Variants in TRMT1L observed in about 807,000 individuals in gnomAD.
TRMT1L encodes tRNA (guanine(27)-N(2))-dimethyltransferase.
In TRMT1L, 28 loss-of-function variants were observed where a neutral mutation model predicts 81.6. The ratio of observed to expected loss-of-function variants is 0.34; its 90% CI spans 0.25 to 0.47. The LOEUF (loss-of-function observed/expected upper bound fraction) is 0.47, where lower values mean the gene tolerates loss of function less well. TRMT1L is among the 20% of genes least tolerant of loss of function. TRMT1L has a pLI of 1.00. For missense variants in TRMT1L, 739 were observed against 877.1 expected (o/e 0.84, Z 1.99); for synonymous variants, 301 against 303.2 (o/e 0.99, Z 0.07).
intron 5 of TRMT1L, among the ~76,000 whole-genome samples, chr1:185,144,967 G>A (rs1214117845): frequency 6.6e-6 from 1 of 151,762 alleles, no homozygotes; most frequent in Non-Finnish European, 1.5e-5. Context: ...ACAGAGGAGA[G>A]AAGTTATTCA....
At chr1:185,139,605 T>G (rs780307894) in intron 8 of TRMT1L, 26 bp from the exon 9 acceptor site, 3 of 1,529,642 alleles carry the variant, frequency 2.0e-6, no homozygotes, top group Non-Finnish European at 2.7e-6. Flanking sequence ...ATATAGACAT[T>G]TTAAAGTCAT....
At chr1:185,130,744 G>A (rs1652749229) in intron 10 of TRMT1L, among the ~76,000 whole-genome samples, 2 of 152,152 alleles carry the variant, frequency 1.3e-5, no homozygotes, top group African/African-American at 4.8e-5. Flanking sequence ...AAACTATTGA[G>A]GATATGAAAC....
rs190177287 is a variant in TRMT1L, at chr1:185,137,792, C to A, written c.1327G>T (p.Ala443Ser). The A allele has an allele frequency of 1.3e-5, 21 of 1,611,544 alleles. No individual in the cohort carries two copies. In the Admixed American group the frequency reaches 1.3e-4, roughly 10 times the overall value. Residue 443 changes from alanine (A) to serine (S), a missense_variant, in exon 10 of 15, where the codon GCA (alanine) becomes TCA (serine). Physicochemically the swap from Ala to Ser is moderately conservative, Grantham distance 99. This residue lies in a region of TRMT1L where 331 missense variants were observed against 462.2 expected (regional missense o/e 0.72). Coordinates refer to ENST00000367506, the MANE Select transcript of TRMT1L (RefSeq NM_030934.5). ...TCTATGCCTTTGTTGCATCGGGCTGCAGCTCTACAATAAATTTTTTCAAGT... is the reference window on the plus strand; with the variant it reads ...TCTATGCCTTTGTTGCATCGGGCTGAAGCTCTACAATAAATTTTTTCAAGT... Reference protein sequence around the residue: ...RIVVAAVARAAARCNKGIEVL... With the variant: ...RIVVAAVARASARCNKGIEVL...
intron 9 of TRMT1L, among the ~76,000 whole-genome samples, chr1:185,138,513 A>T (rs1331983445): frequency 6.6e-6 from 1 of 152,130 alleles, no homozygotes; most frequent in Admixed American, 6.5e-5. Flanking sequence ...TGAAACTAGT[A>T]TTGGGGCTGG....
In TRMT1L at chr1:185,137,315, G is replaced by A. The variant is rs1652924429; in HGVS notation, c.1513+291C>T. 7.5e-6 allele frequency: 3 copies of A among 400,442 alleles called. No individual in the cohort carries two copies. The South Asian group carries it at 8.4e-5, about 11-fold the overall frequency. The allele number at this position is 400,442 out of a possible 1,614,324, so 24.8% of individuals were successfully genotyped here. A position where few individuals can be genotyped will look rare whatever the true frequency, so the allele number is the denominator to read the frequency against. On this transcript the variant is annotated intron_variant, in intron 10 of 14. Coordinates refer to ENST00000367506, the MANE Select transcript of TRMT1L (RefSeq NM_030934.5). The stretch of plus-strand genomic sequence containing the variant: ...TGATTTGTAACAGCCTGGAAAAAAC[G>A]TAATCTGACTTATGTTCCTAAAATT...
intron 13 of TRMT1L, among the ~76,000 whole-genome samples, chr1:185,121,836 G>A (rs1262499140): frequency 2.0e-5 from 3 of 151,554 alleles, no homozygotes; most frequent in South Asian, 2.1e-4. Flanking sequence ...GGTTTGTTAC[G>A]TGGGTATATT....
chr1:185,127,987 G>A (rs1218951831), intron 11 of TRMT1L, among the ~76,000 whole-genome samples: 13 of 151,220 alleles, frequency 8.6e-5, no homozygotes, highest in Admixed American at 8.6e-4. Flanking sequence ...TGTGGCGGGT[G>A]CCTGTAATCC....
At chr1:185,138,751 A>G (rs796591458) in intron 9 of TRMT1L, among the ~76,000 whole-genome samples, 36 of 152,344 alleles carry the variant, frequency 2.4e-4, no homozygotes, top group African/African-American at 8.2e-4. Flanking sequence ...TTCAAACTAT[A>G]TAAATAAAGA....
At chr1:185,157,497 C>G (rs1571368259), upstream of TRMT1L, 2 of 152,536 alleles carry the variant, frequency 1.3e-5, no homozygotes, top group Non-Finnish European at 2.9e-5. Context: ...TGGTTCTGGC[C>G]CGGCTTGCCT....
chr1:185,119,137 A>C lies in TRMT1L; in HGVS notation c.*882T>G, dbSNP rs1008253953. ...AATACACACAAAACCAAAAATACCA[A>C]ACCAAGCAACAACAAAAAAACAACC... On this transcript the variant is annotated 3_prime_UTR_variant, in exon 15 of 15. Coordinates refer to ENST00000367506, the MANE Select transcript of TRMT1L (RefSeq NM_030934.5). 1 of 152,024 alleles carries C rather than the reference A, an allele frequency of 6.6e-6. No individual in the cohort carries two copies. 9.4% of individuals were successfully genotyped at this position (152,024 alleles called of 1,614,324 possible).
rs1029007783 is a variant in TRMT1L, at chr1:185,156,683, C to T, written c.30G>A (p.Leu10=). ...CCTCCACCTCCTCCTTCTCCAGGGG[C>T]AGCAGCTCCTCCTCCGCCATATTCT... MENMAEEEL[L]PLEKEEVEVA... is the part of the protein sequence containing the mutation. Residue 10 remains leucine, a synonymous_variant, in exon 1 of 15, where the codon CTG becomes CTA. Coordinates refer to ENST00000367506, the MANE Select transcript of TRMT1L (RefSeq NM_030934.5). The T allele has an allele frequency of 6.2e-7, 1 of 1,612,394 alleles. No homozygotes were observed. The highest frequency in any genetic ancestry group is 2.2e-5 in the East Asian group (1 of 44,822).
chr1:185,132,481 T>C (rs1571346331), intron 10 of TRMT1L, among the ~76,000 whole-genome samples: 1 of 151,016 alleles, frequency 6.6e-6, no homozygotes, highest in East Asian at 2.0e-4. Context: ...ATCATGCCAC[T>C]GCACTCCAGC....
chr1:185,151,284 AT>A (rs1327828325), intron 2 of TRMT1L, among the ~76,000 whole-genome samples: 1 of 152,128 alleles, frequency 6.6e-6, no homozygotes, highest in African/African-American at 2.4e-5. Context: ...CATATTAATA[AT>A]TTTTAACCCA....
intron 8 of TRMT1L, 145 bp downstream of exon 8, chr1:185,139,828 A>T: frequency 1.0e-6 from 1 of 972,084 alleles, no homozygotes; most frequent in African/African-American, 1.6e-5. Flanking sequence ...GAAAATTTTC[A>T]TACTGCATAC....
chr1:185,139,508 A>AT lies in TRMT1L; in HGVS notation c.1180dup (p.Ile394AsnfsTer27). ...GATATCTGTAGAAGTCACTGACACT[A>AT]TGCCAAGGTTTCTTATATTTCTGAA... On this transcript the variant is annotated frameshift_variant, in exon 9 of 15. Transcript: ENST00000367506. LOFTEE classifies it high-confidence loss of function. The AT allele has an allele frequency of 6.2e-7, 1 of 1,614,104 alleles. No homozygotes were observed. The highest frequency in any genetic ancestry group is 8.5e-7 in the Non-Finnish European group (1 of 1,180,002).
At chr1:185,128,609 G>T in intron 11 of TRMT1L, 60 bp downstream of exon 11, 1 of 1,464,926 alleles carries the variant, frequency 6.8e-7, no homozygotes. Flanking sequence ...ATAAAAATCA[G>T]CAATTAATAA....
At chr1:185,127,272 T>C (rs567105525) in intron 11 of TRMT1L, among the ~76,000 whole-genome samples, 1 of 152,176 alleles carries the variant, frequency 6.6e-6, no homozygotes, top group Admixed American at 6.5e-5. Flanking sequence ...AACTAGAAGG[T>C]AGGGCTGGCT....
At chr1:185,131,844 A>T (rs925093320) in intron 10 of TRMT1L, among the ~76,000 whole-genome samples, 2 of 152,220 alleles carry the variant, frequency 1.3e-5, no homozygotes, top group African/African-American at 4.8e-5. Context: ...TGTCAAAGAA[A>T]TAACATCCCC....
At position 185,118,784 on chromosome 1, in the gene TRMT1L, T is replaced by C. The variant is rs533440600; in HGVS notation, c.*1235A>G. ...AAATTAATATTCTCTATTCATCTAA[T>C]GCCTATCCACTAGATTTTTTTGTAT... is the stretch of plus-strand genomic sequence containing the variant. On this transcript the variant is annotated 3_prime_UTR_variant, in exon 15 of 15. Coordinates refer to ENST00000367506, the MANE Select transcript of TRMT1L (RefSeq NM_030934.5). The C allele has an allele frequency of 4.6e-5, 7 of 152,268 alleles. No homozygotes were observed. Among genetic ancestry groups the C allele is most frequent in the African/African-American group, 1.7e-4 (7 of 41,572 alleles). 9.4% of individuals were successfully genotyped at this position (152,268 alleles called of 1,614,324 possible). A position where few individuals can be genotyped will look rare whatever the true frequency, so the allele number is the denominator to read the frequency against.
Sources: allele counts gnomAD v4.1 joint callset (sites outside exome capture counted in the v4.1 genomes callset), GRCh38; gene constraint gnomAD v4.1.1; regional missense constraint gnomAD v4.1.1; transcripts MANE v1.5; gene names NCBI Gene and HGNC (gene_info 2026-07-23, HGNC 2026-07-21).